ITPR1: variants seen among roughly 807,000 people sequenced by gnomAD.
The protein encoded by ITPR1 is inositol 1,4,5-trisphosphate receptor type 1, also known as inositol 1,4,5-trisphosphate-gated calcium channel ITPR1.
Under a neutral mutation model 318.4 loss-of-function variants are expected in ITPR1, and 96 were observed. That is an observed-to-expected ratio of 0.30 (90% CI 0.26 to 0.36). The LOEUF (loss-of-function observed/expected upper bound fraction) is 0.36, where lower values mean the gene tolerates loss of function less well. Among genes scored for constraint, ITPR1 ranks in the 10% least tolerant of loss-of-function variants. ITPR1 has a pLI of 1.00. For missense variants in ITPR1, 2,440 were observed against 3,460.2 expected, an observed-to-expected ratio of 0.71 and a Z score of 7.40; for synonymous variants, 1,312 against 1,289.9, an observed-to-expected ratio of 1.02 and a Z score of -0.37.
intron 4 of ITPR1, among the ~76,000 whole-genome samples, chr3:4,559,834 C>T (rs1230304170): frequency 6.6e-6 from 1 of 152,112 alleles, no homozygotes; most frequent in East Asian, 1.9e-4. Flanking sequence ...AAATGACAGC[C>T]TGTATAGGAA....
At chr3:4,587,231 C>T (rs2089995573) in intron 4 of ITPR1, among the ~76,000 whole-genome samples, 1 of 151,488 alleles carries the variant, frequency 6.6e-6, no homozygotes, top group Admixed American at 6.6e-5. Flanking sequence ...TTCTAGCAAG[C>T]ACCCAGTGCT....
At chr3:4,759,696 C>T (rs2045294680) in intron 44 of ITPR1, among the ~76,000 whole-genome samples, 1 of 152,322 alleles carries the variant, frequency 6.6e-6, no homozygotes, top group Middle Eastern at 3.4e-3. Context: ...CTAGCGGCGT[C>T]TTTATCCTAA....
intron 44 of ITPR1, among the ~76,000 whole-genome samples, chr3:4,747,337 C>T (rs2044181893): frequency 6.6e-6 from 1 of 152,186 alleles, no homozygotes; most frequent in East Asian, 1.9e-4. Flanking sequence ...AGGTTATATG[C>T]TCAGAGTCAC....
At chr3:4,788,163 A>G (rs1460098899) in intron 52 of ITPR1, 24 bp downstream of exon 52, 2 of 1,565,598 alleles carry the variant, frequency 1.3e-6, no homozygotes, top group Admixed American at 3.7e-5. Context: ...CATCAGCAAC[A>G]ACACAGAGAG....
At chr3:4,565,607 C>T (rs1449194496) in intron 4 of ITPR1, among the ~76,000 whole-genome samples, 4 of 152,122 alleles carry the variant, frequency 2.6e-5, no homozygotes, top group East Asian at 1.9e-4. Context: ...CCCCTTGGCC[C>T]GCAGGAGAGT....
intron 23 of ITPR1, 35 bp downstream of exon 23, chr3:4,675,283 T>C (rs2094161463): frequency 6.7e-7 from 1 of 1,502,418 alleles, no homozygotes; most frequent in African/African-American, 1.4e-5. Context: ...ATCTGAGAGA[T>C]GCCCTCCAGC....
At chr3:4,609,001 TAAAAAA>T (rs56738231) in intron 4 of ITPR1, among the ~76,000 whole-genome samples, 4 of 53,426 alleles carry the variant, frequency 7.5e-5, no homozygotes, top group Admixed American at 2.6e-4. Flanking sequence ...ACTCCGTCTT[TAAAAAA>T]AAAAAAAAAA....
At chr3:4,609,568 C>T (rs1162651610) in intron 4 of ITPR1, among the ~76,000 whole-genome samples, 1 of 152,046 alleles carries the variant, frequency 6.6e-6, no homozygotes, top group Admixed American at 6.5e-5. Flanking sequence ...TGGCCCACCT[C>T]ACACGTGGTC....
chr3:4,687,994 C>T (rs1003821638), intron 30 of ITPR1, among the ~76,000 whole-genome samples: 1 of 152,260 alleles, frequency 6.6e-6, no homozygotes, highest in Admixed American at 6.5e-5. Flanking sequence ...GACTACTCAG[C>T]GTCAGTGAGG....
At chr3:4,498,719 A>G (rs552919305) in intron 2 of ITPR1, among the ~76,000 whole-genome samples, 1 of 152,384 alleles carries the variant, frequency 6.6e-6, no homozygotes, top group Admixed American at 6.5e-5. Flanking sequence ...TTCAGTAGAA[A>G]AGGAAAGTTT....
At chr3:4,632,991 T>A (rs2093062462) in intron 5 of ITPR1, among the ~76,000 whole-genome samples, 1 of 132,072 alleles carries the variant, frequency 7.6e-6, no homozygotes, top group Admixed American at 9.2e-5. Context: ...CAGGCTGGAG[T>A]GTAGTGGCAC....
intron 44 of ITPR1, among the ~76,000 whole-genome samples, chr3:4,741,564 G>A (rs754764555): frequency 1.3e-5 from 2 of 149,104 alleles, no homozygotes; most frequent in African/African-American, 5.0e-5. Context: ...TTTTTTTGAG[G>A]TTGGCTTAAG....
chr3:4,815,612 G>A (rs2049242230), intron 59 of ITPR1, among the ~76,000 whole-genome samples: 1 of 152,134 alleles, frequency 6.6e-6, no homozygotes, highest in South Asian at 2.1e-4. Flanking sequence ...ATAGGCACGG[G>A]AGGAGAAGTA....
At chr3:4,599,192 G>T (rs1300622710) in intron 4 of ITPR1, among the ~76,000 whole-genome samples, 1 of 152,136 alleles carries the variant, frequency 6.6e-6, no homozygotes, top group African/African-American at 2.4e-5. Context: ...TGCTGATATG[G>T]ATATGGGATC....
chr3:4,764,945 G>A (rs1559856007), intron 44 of ITPR1, among the ~76,000 whole-genome samples: 1 of 86,808 alleles, frequency 1.2e-5, no homozygotes, highest in Admixed American at 1.5e-4. Context: ...GTAGTGGGTG[G>A]CTGGATGGAT....
At chr3:4,512,111 G>T (rs1368903449) in intron 2 of ITPR1, among the ~76,000 whole-genome samples, 1 of 152,070 alleles carries the variant, frequency 6.6e-6, no homozygotes, top group Admixed American at 6.5e-5. Flanking sequence ...AGTAGCTGGG[G>T]TTACAGATGT....
In ITPR1 at chr3:4,654,681, G is replaced by A. The variant is rs111314101; in HGVS notation, c.996+795G>A. On this transcript the variant is annotated intron_variant, in intron 12 of 61. Coordinates refer to ENST00000649015, the MANE Select transcript of ITPR1 (RefSeq NM_001378452.1). Reference sequence around the variant, plus strand: ...GGGCATGGAAGGTGGTATTGAGGGTGTTTCTTTCTTTTTTTGGCAAGATTT... The same window carrying A: ...GGGCATGGAAGGTGGTATTGAGGGTATTTCTTTCTTTTTTTGGCAAGATTT... Among the ~76,000 whole-genome samples, 126 of 152,274 alleles carry A rather than the reference G, an allele frequency of 8.3e-4. 1 individual carries two copies. Among genetic ancestry groups the A allele is most frequent in the African/African-American group, 2.3e-3 (95 of 41,554 alleles).
At chr3:4,836,989 C>T (rs2050969672) in intron 61 of ITPR1, 54 bp downstream of exon 61, 1 of 1,391,004 alleles carries the variant, frequency 7.2e-7, no homozygotes, top group Non-Finnish European at 9.7e-7. Flanking sequence ...CCACCCACAC[C>T]CACTATCACC....
rs1460479964 is a variant in ITPR1 at position 4,758,135 on chromosome 3, G to A, written c.5545-8395G>A. The stretch of plus-strand genomic sequence containing the variant: ...AAATCATTCTGCAGCAGGTAAGTGA[G>A]CAGCCGTGGTGAGTGTCATGGGCTA... On this transcript the variant is annotated intron_variant, in intron 44 of 61. Coordinates refer to ENST00000649015, the MANE Select transcript of ITPR1 (RefSeq NM_001378452.1). Among the ~76,000 whole-genome samples, 8 of 152,318 alleles carry A rather than the reference G, an allele frequency of 5.3e-5. No individual in the cohort carries two copies. The East Asian group carries it at 1.5e-3, about 29-fold the overall frequency.
Sources: gnomAD v4.1 joint callset for allele counts (sites outside exome capture counted in the v4.1 genomes callset) on GRCh38, gnomAD v4.1.1 for gene constraint, MANE v1.5 for transcripts, NCBI Gene and HGNC (gene_info 2026-07-23, HGNC 2026-07-21) for gene names.